Variants in LGMN observed in about 807,000 individuals in gnomAD.
The protein encoded by LGMN is legumain, also known as asparaginyl endopeptidase.
Under a neutral mutation model 56.8 loss-of-function variants are expected in LGMN, and 36 were observed. The observed-to-expected ratio is 0.63, with a 90% CI of 0.49 to 0.84. The LOEUF is 0.84. Among genes scored for constraint, LGMN ranks in the 40% least tolerant of loss-of-function variants. The pLI is 0.00. For missense variants in LGMN, 446 were observed against 556.1 expected (o/e 0.80, Z 1.99); for synonymous variants, 199 against 210.1 (o/e 0.95, Z 0.46).
intron 2 of LGMN, among the ~76,000 whole-genome samples, chr14:92,721,931 T>A (rs1338839812): frequency 1.3e-5 from 2 of 152,018 alleles, no homozygotes; most frequent in African/African-American, 4.8e-5. Flanking sequence ...CAACCCGGGT[T>A]TCAAAATAGA....
intron 2 of LGMN, among the ~76,000 whole-genome samples, chr14:92,720,563 A>G (rs1890405748): frequency 6.6e-6 from 1 of 152,214 alleles, no homozygotes; most frequent in Non-Finnish European, 1.5e-5. Context: ...GCTACTTGGG[A>G]GGCTGAGGTG....
intron 12 of LGMN, 83 bp from the exon 13 acceptor site, chr14:92,704,790 C>G: frequency 9.3e-7 from 1 of 1,071,962 alleles, no homozygotes; most frequent in Non-Finnish European, 1.5e-6. Flanking sequence ...AGAGGGGAAG[C>G]ATCTTGACCA....
intron 12 of LGMN, chr14:92,705,015 C>T (rs1411861667): frequency 6.6e-5 from 20 of 303,728 alleles, no homozygotes; most frequent in East Asian, 6.1e-4. Context: ...GGGATCTCCC[C>T]GGGAAGTCTG....
At chr14:92,732,550 A>C (rs994221208) in intron 2 of LGMN, 99 bp downstream of exon 2, 1 of 1,392,218 alleles carries the variant, frequency 7.2e-7, no homozygotes, top group Non-Finnish European at 9.9e-7. Flanking sequence ...AGGTCCGTCA[A>C]TGGCTTTTCA....
intron 2 of LGMN, among the ~76,000 whole-genome samples, chr14:92,719,922 C>T (rs1408918295): frequency 6.6e-6 from 1 of 152,218 alleles, no homozygotes; most frequent in Non-Finnish European, 1.5e-5. Context: ...GAGGCGTGTG[C>T]CCAGCGATTT....
At position 92,704,281 on chromosome 14, in the gene LGMN, G is replaced by T; in HGVS notation, c.*38C>A. On this transcript the variant is annotated 3_prime_UTR_variant, in exon 14 of 14. Coordinates refer to ENST00000334869, the MANE Select transcript of LGMN (RefSeq NM_005606.7). ...TCTCTGATCAGCACACAGTCGGTGG[G>T]GCGCTCACACTTGGAAAAGCTTCCA... The T allele has an allele frequency of 6.2e-7, 1 of 1,613,898 alleles. No homozygotes were observed. Among genetic ancestry groups the T allele is most frequent in the Non-Finnish European group, 8.5e-7 (1 of 1,179,884 alleles).
At chr14:92,719,275 GCCA>G (rs1446271944) in intron 2 of LGMN, among the ~76,000 whole-genome samples, 2,954 of 23,392 alleles carry the variant, frequency 0.13, 99 homozygotes, top group East Asian at 0.21. Context: ...CGCCGCCGCC[GCCA>G]CCGCCGCCGC....
rs549548685 is a variant in LGMN at position 92,712,019 on chromosome 14, C to G, written c.611-64G>C. On this transcript the variant is annotated intron_variant, in intron 8 of 13. Coordinates refer to ENST00000334869, the MANE Select transcript of LGMN (RefSeq NM_005606.7). ...TTCCTGCCTTGGATTACGCTTGAAG[C>G]TTGAGTCCTTCTTTCTCCCCCGGTG... The G allele has an allele frequency of 1.6e-4, 195 of 1,249,094 alleles. No individual in the cohort carries two copies. In the African/African-American group the frequency reaches 2.3e-3, roughly 15 times the overall value. The allele number at this position is 1,249,094 out of a possible 1,614,324, so 77.4% of individuals were successfully genotyped here.
At chr14:92,739,487 C>T (rs1488960961) in intron 1 of LGMN, among the ~76,000 whole-genome samples, 1 of 152,180 alleles carries the variant, frequency 6.6e-6, no homozygotes, top group Non-Finnish European at 1.5e-5. Flanking sequence ...ATCCAACAAA[C>T]ACGGACTGAG....
chr14:92,745,606 A>C (rs1891781549), intron 1 of LGMN, among the ~76,000 whole-genome samples: 1 of 152,228 alleles, frequency 6.6e-6, no homozygotes, highest in Admixed American at 6.5e-5. Context: ...CTCTACAAGC[A>C]TTCCCCTAGT....
chr14:92,747,737 A>C (rs1891883339), intron 1 of LGMN, among the ~76,000 whole-genome samples: 1 of 152,226 alleles, frequency 6.6e-6, no homozygotes, highest in Non-Finnish European at 1.5e-5. Context: ...GAGTAAAGAA[A>C]GCTGGGCTAC....
chr14:92,744,126 C>T (rs901590925), intron 1 of LGMN, among the ~76,000 whole-genome samples: 3 of 151,902 alleles, frequency 2.0e-5, no homozygotes, highest in Non-Finnish European at 4.4e-5. Flanking sequence ...TGCACTCCAG[C>T]CTGGTGACAG....
In LGMN at chr14:92,730,635, G is replaced by A. The variant is rs572349818; in HGVS notation, c.138+2014C>T. On this transcript the variant is annotated intron_variant, in intron 2 of 13. Coordinates refer to ENST00000334869, the MANE Select transcript of LGMN (RefSeq NM_005606.7). ...TTACATGTTGAAATGATAATGGTTT[G>A]GAAATACTGGTTTAAAGAAGATATT... Among the ~76,000 whole-genome samples the A allele has an allele frequency of 4.9e-4, 75 of 152,152 alleles. 1 individual carries two copies. Among genetic ancestry groups the A allele is most frequent in the Admixed American group, 1.7e-3 (26 of 15,266 alleles).
Position 92,748,560 on chromosome 14 carries a change from G to T in LGMN, c.-101C>A. 6.5e-6 allele frequency: 1 copy of T among 154,700 alleles called. No individual in the cohort carries two copies. Among genetic ancestry groups the T allele is most frequent in the South Asian group, 1.7e-4 (1 of 5,772 alleles). 9.6% of individuals were successfully genotyped at this position (154,700 alleles called of 1,614,324 possible). On this transcript the variant is annotated 5_prime_UTR_variant, in exon 1 of 14. Transcript: ENST00000334869. Reference sequence around the variant, plus strand: ...GTGACCGCGGTGGTGGCGCCGGCGGGACCGTGAGAACTCGCGGCGGCTCGC... The same window carrying T: ...GTGACCGCGGTGGTGGCGCCGGCGGTACCGTGAGAACTCGCGGCGGCTCGC...
At chr14:92,728,151 T>C (rs553514814) in intron 2 of LGMN, among the ~76,000 whole-genome samples, 4 of 152,332 alleles carry the variant, frequency 2.6e-5, no homozygotes, top group Admixed American at 6.5e-5. Flanking sequence ...ACGACCTTTT[T>C]GGCACCAGGG....
intron 1 of LGMN, among the ~76,000 whole-genome samples, chr14:92,744,539 T>C (rs2140285229): frequency 6.6e-6 from 1 of 152,276 alleles, no homozygotes; most frequent in East Asian, 1.9e-4. Context: ...ACATGTTCAG[T>C]TTTACATTTT....
chr14:92,732,567 T>C (rs144226876), intron 2 of LGMN, 82 bp downstream of exon 2: 17,941 of 1,493,908 alleles, frequency 0.012, 175 homozygotes, highest in South Asian at 0.03. Context: ...TTCAAGTCTT[T>C]TCTATTTAAT....
chr14:92,729,762 AAAGTC>A (rs2140256711), intron 2 of LGMN, among the ~76,000 whole-genome samples: 1 of 152,340 alleles, frequency 6.6e-6, no homozygotes, highest in South Asian at 2.1e-4. Context: ...ATAAGCCTCC[AAAGTC>A]AAGAAGGCAA....
At position 92,711,663 on chromosome 14, in the gene LGMN, T is replaced by A. The variant is rs754583951; in HGVS notation, c.815A>T (p.Asn272Ile). 6.2e-7 allele frequency: 1 copy of A among 1,614,204 alleles called. No individual in the cohort carries two copies. The highest frequency in any genetic ancestry group is 1.1e-5 in the South Asian group (1 of 91,084). ...TNTSHVMQYG[N>I]KTISTMKVMQ... is the part of the protein sequence containing the mutation. Reference sequence around the variant, plus strand: ...CACGCGAGGCTCCCGACTCACTTTGTTTCCATACTGCATGACGTGGCTGGT... The same window carrying A: ...CACGCGAGGCTCCCGACTCACTTTGATTCCATACTGCATGACGTGGCTGGT... Residue 272 changes from asparagine (N) to isoleucine (I), a missense_variant, in exon 10 of 14, where the codon AAC (asparagine) becomes ATC (isoleucine). Transcript: ENST00000334869.
Sources: gnomAD v4.1 joint callset for allele counts (sites outside exome capture counted in the v4.1 genomes callset) on GRCh38, gnomAD v4.1.1 for gene constraint, MANE v1.5 for transcripts, NCBI Gene and HGNC (gene_info 2026-07-23, HGNC 2026-07-21) for gene names.